Variants in FAM124A observed in about 807,000 individuals in gnomAD.
FAM124A encodes the protein protein FAM124A.
In FAM124A, 23 loss-of-function variants were observed where a neutral mutation model predicts 24.5. The observed-to-expected ratio is 0.94, with a 90% CI of 0.68 to 1.33. The LOEUF (loss-of-function observed/expected upper bound fraction) is 1.33, where lower values mean the gene tolerates loss of function less well. Among genes scored for constraint, FAM124A ranks in the 40% most tolerant of loss-of-function variants. FAM124A has a pLI of 0.00. For missense variants in FAM124A, 623 were observed against 722.8 expected (o/e 0.86, Z 1.58); for synonymous variants, 287 against 314.7 (o/e 0.91, Z 0.93).
chr13:51,240,611 C>A (rs1360580400), intron 2 of FAM124A, among the ~76,000 whole-genome samples: 1 of 152,176 alleles, frequency 6.6e-6, no homozygotes, highest in Non-Finnish European at 1.5e-5. Flanking sequence ...CTCTATGAGA[C>A]AGTGTGATGA....
At chr13:51,234,514 A>C (rs1304961600) in intron 2 of FAM124A, among the ~76,000 whole-genome samples, 4 of 152,184 alleles carry the variant, frequency 2.6e-5, no homozygotes, top group Non-Finnish European at 4.4e-5. Context: ...AATTAGCCAC[A>C]TGCTCTTGGG....
At position 51,280,633 on chromosome 13, in the gene FAM124A, C is replaced by T; in HGVS notation, c.1018C>T (p.Gln340Ter). 6.2e-7 allele frequency: 1 copy of T among 1,614,242 alleles called. No homozygotes were observed. The highest frequency in any genetic ancestry group is 8.5e-7 in the Non-Finnish European group (1 of 1,180,040). The change falls in exon 4 of 4, where the codon CAG becomes TAG. Residue 340 changes from glutamine to a stop codon, truncating the protein, a stop_gained. Transcript: ENST00000322475. LOFTEE classifies it low-confidence loss of function (END_TRUNC). ...PIRTGLPPGH[Q>*]QEFAGRANST... ...CCGGACAGGCCTGCCTCCTGGGCAC[C>T]AGCAGGAATTTGCCGGACGAGCCAA...
chr13:51,273,863 G>A (rs1954861863), intron 3 of FAM124A, among the ~76,000 whole-genome samples: 1 of 152,130 alleles, frequency 6.6e-6, no homozygotes, highest in African/African-American at 2.4e-5. Context: ...GATACTTAAT[G>A]AAACTCTGAT....
intron 2 of FAM124A, among the ~76,000 whole-genome samples, chr13:51,238,018 T>C (rs1299191876): frequency 6.6e-6 from 1 of 152,200 alleles, no homozygotes; most frequent in African/African-American, 2.4e-5. Context: ...TGGGGCCATT[T>C]AGCATGTAGC....
chr13:51,241,504 A>C (rs1158301863), intron 2 of FAM124A, among the ~76,000 whole-genome samples: 2 of 152,028 alleles, frequency 1.3e-5, no homozygotes, highest in Non-Finnish European at 2.9e-5. Context: ...GAGTTGGGAG[A>C]TGTTTGTTCT....
intron 1 of FAM124A, among the ~76,000 whole-genome samples, chr13:51,230,184 T>C (rs912362549): frequency 1.3e-5 from 2 of 152,260 alleles, no homozygotes; most frequent in African/African-American, 4.8e-5. Context: ...ACTACTAAAG[T>C]ATTTCATTTG....
Position 51,281,371 on chromosome 13 carries a change from C to A in FAM124A, c.*115C>A. 9.1e-7 allele frequency: 1 copy of A among 1,101,518 alleles called. No homozygotes were observed. The highest frequency in any genetic ancestry group is 3.1e-5 in the Admixed American group (1 of 32,092). 68.2% of individuals were successfully genotyped at this position (1,101,518 alleles called of 1,614,324 possible). ...CTTCATGATCCATTTCCCAGGAGCC[C>A]GTAGCACATTTGCCTACCACCCACT... On this transcript the variant is annotated 3_prime_UTR_variant, in exon 4 of 4. Transcript: ENST00000322475.
At chr13:51,276,109 A>G (rs1954884115) in intron 3 of FAM124A, among the ~76,000 whole-genome samples, 1 of 152,200 alleles carries the variant, frequency 6.6e-6, no homozygotes, top group Admixed American at 6.5e-5. Context: ...ACAAGGCTCA[A>G]GGGGTAGGCC....
At chr13:51,247,520 A>T (rs1164538588) in intron 2 of FAM124A, among the ~76,000 whole-genome samples, 1 of 152,216 alleles carries the variant, frequency 6.6e-6, no homozygotes, top group Admixed American at 6.5e-5. Context: ...ACCTGGCCAC[A>T]TGCACACCTG....
In FAM124A at chr13:51,281,160, C is replaced by T. The variant is rs189898463; in HGVS notation, c.1545C>T (p.Cys515=). 35 of 1,613,884 alleles carry T rather than the reference C, an allele frequency of 2.2e-5. No individual in the cohort carries two copies. Among genetic ancestry groups the T allele is most frequent in the Non-Finnish European group, 2.0e-5 (24 of 1,179,972 alleles). The change falls in exon 4 of 4, where the codon TGC becomes TGT. Residue 515 remains cysteine (C), a synonymous_variant. Coordinates refer to ENST00000322475, the MANE Select transcript of FAM124A (RefSeq NM_001242312.2). The part of the protein sequence containing the change: ...TLTDSSPQLP[C]DTPKVKQTDG... ...CAGACTCCTCCCCACAGCTCCCATG[C>T]GATACCCCCAAAGTCAAGCAGACTG...
In FAM124A at chr13:51,259,674, G is replaced by A. The variant is rs891039144; in HGVS notation, c.834+7473G>A. Among the ~76,000 whole-genome samples the A allele has an allele frequency of 8.5e-5, 13 of 152,204 alleles. No homozygotes were observed. In the East Asian group the frequency reaches 1.7e-3, roughly 20 times the overall value. ...TTCTCAGACACAGATGCCCCAGCCCGTCCCCTTCACCTCGCTGTGTTCCTC... is the reference window on the plus strand; with the variant it reads ...TTCTCAGACACAGATGCCCCAGCCCATCCCCTTCACCTCGCTGTGTTCCTC... On this transcript the variant is annotated intron_variant, in intron 3 of 3. Coordinates refer to ENST00000322475, the MANE Select transcript of FAM124A (RefSeq NM_001242312.2).
Position 51,281,524 on chromosome 13 carries a change from A to G in FAM124A, c.*268A>G, listed in dbSNP as rs1954939581. On this transcript the variant is annotated 3_prime_UTR_variant, in exon 4 of 4. Transcript: ENST00000322475. The stretch of plus-strand genomic sequence containing the variant: ...ATATTCAGCATTTGAGGTATGGTTT[A>G]GTGGGTTTATACAATTTAAATGGCT... 2.7e-6 allele frequency: 1 copy of G among 371,358 alleles called. No homozygotes were observed. Among genetic ancestry groups the G allele is most frequent in the African/African-American group, 2.1e-5 (1 of 48,000 alleles). The allele number at this position is 371,358 out of a possible 1,614,324, so 23.0% of individuals were successfully genotyped here. A position where few individuals can be genotyped will look rare whatever the true frequency, so the allele number is the denominator to read the frequency against.
Position 51,251,374 on chromosome 13 carries a change from C to T in FAM124A, c.101-94C>T. 2 of 1,372,648 alleles carry T rather than the reference C, an allele frequency of 1.5e-6. No homozygotes were observed. The highest frequency in any genetic ancestry group is 2.5e-5 in the East Asian group (1 of 39,876). 85.0% of individuals were successfully genotyped at this position (1,372,648 alleles called of 1,614,324 possible). On this transcript the variant is annotated intron_variant, in intron 2 of 3. Coordinates refer to ENST00000322475, the MANE Select transcript of FAM124A (RefSeq NM_001242312.2). This position sits in a 1 kb window ranked among gnomAD's most constrained non-coding sequence, Gnocchi z 5.3. ...TCAGTTCAGTTAGAATTTGACTTCTCTTCCTGTCAAGCCTGTACACGTCAT... is the reference window on the plus strand; with the variant it reads ...TCAGTTCAGTTAGAATTTGACTTCTTTTCCTGTCAAGCCTGTACACGTCAT...
chr13:51,234,041 A>G (rs1486696344), intron 2 of FAM124A, among the ~76,000 whole-genome samples: 4 of 152,204 alleles, frequency 2.6e-5, no homozygotes, highest in African/African-American at 9.7e-5. Flanking sequence ...CAGCTCCTGC[A>G]TCTCATTGTC....
intron 3 of FAM124A, 126 bp downstream of exon 3, chr13:51,252,327 GC>G (rs1954634164): frequency 7.5e-7 from 1 of 1,335,952 alleles, no homozygotes. Context: ...CCTCTGCCCA[GC>G]TCCTAGTCGA....
chr13:51,246,022 G>A (rs1052201703), intron 2 of FAM124A, among the ~76,000 whole-genome samples: 2 of 152,272 alleles, frequency 1.3e-5, no homozygotes, highest in Admixed American at 6.5e-5. Context: ...TTCATTTTGT[G>A]TTATCAAAGG....
At chr13:51,271,382 A>G (rs1232906645) in intron 3 of FAM124A, among the ~76,000 whole-genome samples, 9 of 152,184 alleles carry the variant, frequency 5.9e-5, no homozygotes, top group Non-Finnish European at 1.2e-4. Flanking sequence ...TTTGAAGAGT[A>G]TATAGTCATG....
chr13:51,259,106 C>T (rs1954705170), intron 3 of FAM124A, among the ~76,000 whole-genome samples: 1 of 152,148 alleles, frequency 6.6e-6, no homozygotes, highest in Non-Finnish European at 1.5e-5. Flanking sequence ...CCAGCGGAGT[C>T]ATCCCTGAGT....
chr13:51,257,570 A>G (rs1954688443), intron 3 of FAM124A, among the ~76,000 whole-genome samples: 3 of 152,060 alleles, frequency 2.0e-5, no homozygotes, highest in Admixed American at 2.0e-4. Flanking sequence ...AGGGCTTCCC[A>G]TGGCCCTTCC....
Sources: gnomAD v4.1 joint callset for allele counts (sites outside exome capture counted in the v4.1 genomes callset) on GRCh38, gnomAD v4.1.1 for gene constraint, Gnocchi (gnomAD v3.1) non-coding constraint, MANE v1.5 for transcripts, NCBI Gene and HGNC (gene_info 2026-07-23, HGNC 2026-07-21) for gene names.